The following TBPL2 variants were observed in gnomAD, a reference collection of about 807,000 sequenced individuals.
The protein encoded by TBPL2 is TATA-box binding protein like 2, also known as TATA box-binding protein-like 2.
Under a neutral mutation model 38.2 loss-of-function variants are expected in TBPL2, and 40 were observed. The observed-to-expected ratio is 1.05, with a 90% confidence interval of 0.81 to 1.36. The LOEUF (loss-of-function observed/expected upper bound fraction) is 1.36. Ranked by LOEUF, TBPL2 falls within the 40% of genes most tolerant of loss-of-function variation. The pLI is 0.00. For missense variants in TBPL2, 461 were observed against 456.7 expected (o/e 1.01, Z -0.09); for synonymous variants, 169 against 171.7 (o/e 0.98, Z 0.12).
At chr14:55,415,789 T>A (rs748865138) in intron 6 of TBPL2, among the ~76,000 whole-genome samples, 12 of 152,066 alleles carry the variant, frequency 7.9e-5, no homozygotes, top group Non-Finnish European at 1.6e-4. Context: ...TTGCTTGAAT[T>A]TGGGAGGCGG....
At chr14:55,439,505 G>GC (rs1457564585) in intron 1 of TBPL2, among the ~76,000 whole-genome samples, 12 of 151,624 alleles carry the variant, frequency 7.9e-5, no homozygotes, top group Admixed American at 7.2e-4. Context: ...GAACCAGGCG[G>GC]GGGGCCAGGA....
intron 1 of TBPL2, among the ~76,000 whole-genome samples, chr14:55,439,618 C>CCCCCCCT (rs1555344751): frequency 3.3e-5 from 2 of 60,242 alleles, no homozygotes; most frequent in Admixed American, 1.9e-4. Flanking sequence ...AAGCAAACCC[C>CCCCCCCT]CCCCCGTCTC....
chr14:55,419,765 C>T (rs985123400), intron 6 of TBPL2, among the ~76,000 whole-genome samples: 13 of 152,208 alleles, frequency 8.5e-5, no homozygotes, highest in Non-Finnish European at 1.8e-4. Context: ...CAAATTGCCA[C>T]ACATCTGTAC....
chr14:55,423,015 G>C (rs1390722994), intron 6 of TBPL2, among the ~76,000 whole-genome samples: 1 of 151,640 alleles, frequency 6.6e-6, no homozygotes, highest in African/African-American at 2.4e-5. Flanking sequence ...ATATAGCAAA[G>C]AATAATTTGT....
At chr14:55,437,081 G>A in intron 1 of TBPL2, 63 bp from the exon 2 acceptor site, 1 of 1,441,836 alleles carries the variant, frequency 6.9e-7, no homozygotes, top group Non-Finnish European at 9.7e-7. Flanking sequence ...TTACACAAAA[G>A]GGATGTCACT....
intron 1 of TBPL2, chr14:55,438,948 T>C (rs1435281822): frequency 6.6e-6 from 1 of 151,040 alleles, no homozygotes; most frequent in African/African-American, 2.4e-5. Context: ...TTGCCTTTTT[T>C]TTTTTTTGAG....
chr14:55,440,375 G>C (rs1300207056), intron 1 of TBPL2, 21 bp downstream of exon 1: 1 of 1,612,852 alleles, frequency 6.2e-7, no homozygotes, highest in South Asian at 1.1e-5. Flanking sequence ...CCTGACTCTG[G>C]GACAGTGGCG....
At chr14:55,436,000 T>G in intron 2 of TBPL2, 66 bp from the exon 3 acceptor site, 2 of 968,706 alleles carry the variant, frequency 2.1e-6, no homozygotes, top group East Asian at 2.9e-5. Context: ...AAAAGACAAC[T>G]TATTTTCTCA....
intron 4 of TBPL2, among the ~76,000 whole-genome samples, chr14:55,430,302 T>G (rs530390784): frequency 7.7e-4 from 117 of 151,746 alleles, no homozygotes; most frequent in African/African-American, 2.7e-3. Flanking sequence ...TGTTTGATTC[T>G]CTTATCCAGA....
chr14:55,428,119 C>CTTTTTTTTTTTTTTTTT lies in TBPL2; in HGVS notation c.956+671_956+687dup, dbSNP rs567342581. ...GCCTAGTCCATTTCACATGCCTTAT[C>CTTTTTTTTTTTTTTTTT]TTTTTTTTTTTTTTTTTTTTTTTTT... On this transcript the variant is annotated intron_variant, in intron 5 of 6. Transcript: ENST00000247219. Among the ~76,000 whole-genome samples the CTTTTTTTTTTTTTTTTT allele has an allele frequency of 1.1e-3, 49 of 43,360 alleles. 18 individuals carry two copies. Among genetic ancestry groups the CTTTTTTTTTTTTTTTTT allele is most frequent in the East Asian group, 1.7e-3 (2 of 1,172 alleles). The allele number at this position is 43,360 out of a possible 152,430, so 28.4% of individuals were successfully genotyped here. A position where few individuals can be genotyped will look rare whatever the true frequency, so the allele number is the denominator to read the frequency against.
intron 1 of TBPL2, among the ~76,000 whole-genome samples, chr14:55,437,648 C>G (rs1430545553): frequency 6.6e-6 from 1 of 152,184 alleles, no homozygotes; most frequent in Non-Finnish European, 1.5e-5. Flanking sequence ...CAACCATGCT[C>G]TAAATTGTTG....
At chr14:55,437,141 G>C in intron 1 of TBPL2, 123 bp from the exon 2 acceptor site, 2 of 823,112 alleles carry the variant, frequency 2.4e-6, no homozygotes, top group Non-Finnish European at 3.9e-6. Flanking sequence ...GTTCAAGATT[G>C]CTTGTATTCA....
chr14:55,438,512 C>T (rs1478278051), intron 1 of TBPL2, among the ~76,000 whole-genome samples: 3 of 152,112 alleles, frequency 2.0e-5, no homozygotes, highest in Admixed American at 6.5e-5. Flanking sequence ...AGGGTCTCCT[C>T]CCGCAATTTA....
intron 6 of TBPL2, among the ~76,000 whole-genome samples, chr14:55,417,141 C>T (rs1401924317): frequency 6.6e-6 from 1 of 152,116 alleles, no homozygotes; most frequent in Non-Finnish European, 1.5e-5. Flanking sequence ...GAAATTAGTA[C>T]AATTTCTTCA....
At position 55,428,799 on chromosome 14, in the gene TBPL2, C is replaced by T. The variant is rs369462640; in HGVS notation, c.956+8G>A. The stretch of plus-strand genomic sequence containing the variant: ...AAATTCAAAGTTCAAGCTATATAAC[C>T]GTCATACCTACTGAACTGCTGATGG... On this transcript the variant is annotated splice_region_variant and intron_variant, in intron 5 of 6. Coordinates refer to ENST00000247219, the Ensembl canonical transcript of TBPL2. The T allele has an allele frequency of 7.3e-5, 117 of 1,612,660 alleles. 1 individual carries two copies. In the South Asian group the frequency reaches 7.3e-4, roughly 10 times the overall value.
intron 1 of TBPL2, among the ~76,000 whole-genome samples, chr14:55,439,613 A>AC (rs143930267): frequency 2.5e-3 from 122 of 47,930 alleles, no homozygotes; most frequent in African/African-American, 8.5e-3. Flanking sequence ...GAGAAAAGCA[A>AC]ACCCCCCCCC....
intron 2 of TBPL2, 129 bp downstream of exon 2, chr14:55,436,432 T>A: frequency 1.1e-6 from 1 of 886,702 alleles, no homozygotes; most frequent in African/African-American, 1.7e-5. Flanking sequence ...CATTTAGAAC[T>A]GATAAAACAA....
At chr14:55,424,231 C>G in exon 6 of TBPL2, 1 of 1,612,680 alleles carries the variant, frequency 6.2e-7, no homozygotes, top group Non-Finnish European at 8.5e-7. Context: ...TAAATAAGAC[C>G]AGGAAACAGT....
In TBPL2 at chr14:55,414,622, A is replaced by T. The variant is rs180696134; in HGVS notation, c.1052-167T>A. ...GGTAAATAATTTGGCAACTACAGCC[A>T]TATTTCCACAAGACAGAAACCTTAG... On this transcript the variant is annotated intron_variant, in intron 6 of 6. Transcript: ENST00000247219. Among the ~76,000 whole-genome samples, 8 of 152,348 alleles carry T rather than the reference A, an allele frequency of 5.3e-5. No homozygotes were observed. In the South Asian group the frequency reaches 1.7e-3, roughly 32 times the overall value.
Sources: allele counts gnomAD v4.1 joint callset (sites outside exome capture counted in the v4.1 genomes callset), GRCh38; gene constraint gnomAD v4.1.1; transcripts MANE v1.5; gene names NCBI Gene and HGNC (gene_info 2026-07-23, HGNC 2026-07-21).